Variants in ATP6V0A2 observed in about 807,000 individuals in gnomAD.
ATP6V0A2 encodes the protein V-type proton ATPase 116 kDa subunit a 2.
In ATP6V0A2, 58 loss-of-function variants were observed where a neutral mutation model predicts 104.4. The observed-to-expected ratio is 0.56, with a 90% CI of 0.45 to 0.69. The LOEUF is 0.69. Ranked by LOEUF, ATP6V0A2 falls within the 30% of genes least tolerant of loss-of-function variation. The pLI is 0.00. For missense variants in ATP6V0A2, 938 were observed against 1,062.9 expected (o/e 0.88, Z 1.63); for synonymous variants, 376 against 397.9 (o/e 0.95, Z 0.65).
At chr12:123,727,585 C>A (rs1241693553) in intron 5 of ATP6V0A2, among the ~76,000 whole-genome samples, 198 bp from the exon 6 acceptor site, 2 of 152,124 alleles carry the variant, frequency 1.3e-5, no homozygotes, top group African/African-American at 4.8e-5. Flanking sequence ...CCAAGAATTT[C>A]TCTTTATTAC....
At position 123,756,904 on chromosome 12, in the gene ATP6V0A2, G is replaced by A. The variant is rs778371523; in HGVS notation, c.2383G>A (p.Ala795Thr). ...YGVLLLLPVIALFAVLTIFIL... is the reference protein window; with the variant it reads ...YGVLLLLPVITLFAVLTIFIL... ...CGTCTTGCTACTGCTCCCGGTTATCGCGCTCTTTGCAGTTTTGACCATTTT... is the reference window on the plus strand; with the variant it reads ...CGTCTTGCTACTGCTCCCGGTTATCACGCTCTTTGCAGTTTTGACCATTTT... The change falls in exon 19 of 20, where the codon GCG becomes ACG. Residue 795 changes from alanine (A) to threonine (T), a missense_variant. Ala to Thr is a moderately conservative substitution (Grantham distance 58). Transcript: ENST00000330342. 7.4e-6 allele frequency: 12 copies of A among 1,614,018 alleles called. No homozygotes were observed. The highest frequency in any genetic ancestry group is 1.6e-4 in the Middle Eastern group (1 of 6,082).
chr12:123,743,844 C>A lies in ATP6V0A2; in HGVS notation c.1098C>A (p.Pro366=). ...FMNIIPTKET[P]PTRIRTNKFT... is the part of the protein sequence containing the mutation. ...ATATAATCCCCACAAAAGAAACACCCCCCACTCGGATCCGCACCAACAAAT... is the reference window on the plus strand; with the variant it reads ...ATATAATCCCCACAAAAGAAACACCACCCACTCGGATCCGCACCAACAAAT... The change falls in exon 10 of 20, where the codon CCC becomes CCA. Residue 366 remains proline (P), a synonymous_variant. Coordinates refer to ENST00000330342, the MANE Select transcript of ATP6V0A2 (RefSeq NM_012463.4). 2 of 1,614,076 alleles carry A rather than the reference C, an allele frequency of 1.2e-6. No homozygotes were observed. The highest frequency in any genetic ancestry group is 1.7e-6 in the Non-Finnish European group (2 of 1,179,980).
intron 18 of ATP6V0A2, 70 bp from the exon 19 acceptor site, chr12:123,756,742 AGTC>A: frequency 6.5e-7 from 1 of 1,537,750 alleles, no homozygotes; most frequent in South Asian, 1.1e-5. Context: ...GGGGAAACTC[AGTC>A]CAGGTAGCTC....
intron 17 of ATP6V0A2, 112 bp downstream of exon 17, chr12:123,752,514 AC>A: frequency 1.5e-6 from 2 of 1,317,006 alleles, no homozygotes; most frequent in Non-Finnish European, 2.1e-6. Flanking sequence ...AGAAAATGGG[AC>A]TTCCAGCCTC....
intron 16 of ATP6V0A2, 28 bp downstream of exon 16, chr12:123,751,257 A>G: frequency 6.2e-7 from 1 of 1,614,120 alleles, no homozygotes; most frequent in South Asian, 1.1e-5. Context: ...TGCATTTACA[A>G]CTGTGAGCAA....
At chr12:123,746,381 TTGAC>T (rs1956662382) in intron 13 of ATP6V0A2, among the ~76,000 whole-genome samples, 1 of 151,388 alleles carries the variant, frequency 6.6e-6, no homozygotes, top group Admixed American at 6.6e-5. Flanking sequence ...ATCAGCGAAG[TTGAC>T]TGGCCTCCAA....
At position 123,712,513 on chromosome 12, in the gene ATP6V0A2, GGCT is replaced by G. The variant is rs1956302071; in HGVS notation, c.-52_-50del. 1 of 1,377,372 alleles carries G rather than the reference GGCT, an allele frequency of 7.3e-7. No individual in the cohort carries two copies. The highest frequency in any genetic ancestry group is 9.8e-7 in the Non-Finnish European group (1 of 1,017,278). 85.3% of individuals were successfully genotyped at this position (1,377,372 alleles called of 1,614,324 possible). A position where few individuals can be genotyped will look rare whatever the true frequency, so the allele number is the denominator to read the frequency against. On this transcript the variant is annotated 5_prime_UTR_variant, in exon 1 of 20. Transcript: ENST00000330342. ...ACCGGCTGAGTGTGCGGGCCCGCGC[GGCT>G]CGGAGCCGCCGCCGCCCATCGAGCC...
chr12:123,746,276 A>G (rs1956661256), intron 13 of ATP6V0A2, among the ~76,000 whole-genome samples: 1 of 152,088 alleles, frequency 6.6e-6, no homozygotes, highest in African/African-American at 2.4e-5. Context: ...TAGGCATTAC[A>G]TTAATTTGGT....
intron 9 of ATP6V0A2, among the ~76,000 whole-genome samples, chr12:123,743,350 G>T (rs949326178): frequency 6.6e-6 from 1 of 152,178 alleles, no homozygotes; most frequent in Non-Finnish European, 1.5e-5. Context: ...CACACACACA[G>T]CGTTGCCAAA....
At position 123,748,732 on chromosome 12, in the gene ATP6V0A2, A is replaced by G; in HGVS notation, c.1882A>G (p.Ile628Val). ...TGCTCCCAGCATTCTGATTGAATTTATTAACATGTTTTTATTCCCAGCCAG... is the reference window on the plus strand; with the variant it reads ...TGCTCCCAGCATTCTGATTGAATTTGTTAACATGTTTTTATTCCCAGCCAG... ...RVAPSILIEF[I>V]NMFLFPASKT... is the part of the protein sequence containing the mutation. Residue 628 changes from isoleucine to valine, a missense_variant, in exon 15 of 20, where the codon ATT becomes GTT. Ile to Val is a conservative substitution (Grantham distance 29, BLOSUM62 3). Transcript: ENST00000330342. 2 of 1,614,166 alleles carry G rather than the reference A, an allele frequency of 1.2e-6. No homozygotes were observed. Among genetic ancestry groups the G allele is most frequent in the Non-Finnish European group, 1.7e-6 (2 of 1,180,026 alleles).
chr12:123,754,860 A>G lies in ATP6V0A2; in HGVS notation c.2293+323A>G. On this transcript the variant is annotated intron_variant, in intron 18 of 19. Transcript: ENST00000330342. Reference sequence around the variant, plus strand: ...GGAGCCTCTGGTGTAAGCACTTGCTACTGTTGCCATTACTGTTTCTGTTAG... The same window carrying G: ...GGAGCCTCTGGTGTAAGCACTTGCTGCTGTTGCCATTACTGTTTCTGTTAG... 7 of 384,044 alleles carry G rather than the reference A, an allele frequency of 1.8e-5. No homozygotes were observed. In the South Asian group the frequency reaches 2.3e-4, roughly 13 times the overall value. 23.8% of individuals were successfully genotyped at this position (384,044 alleles called of 1,614,324 possible). A position where few individuals can be genotyped will look rare whatever the true frequency, so the allele number is the denominator to read the frequency against.
chr12:123,751,287 A>G (rs1956711836), intron 16 of ATP6V0A2, 58 bp downstream of exon 16: 4 of 1,613,332 alleles, frequency 2.5e-6, no homozygotes, highest in Non-Finnish European at 3.4e-6. Context: ...TCGGTTATAC[A>G]AGGATTGGTG....
intron 13 of ATP6V0A2, among the ~76,000 whole-genome samples, chr12:123,745,811 T>G (rs1368342889): frequency 1.3e-5 from 2 of 150,780 alleles, no homozygotes; most frequent in African/African-American, 4.9e-5. Context: ...GACTGCAGGG[T>G]TGGGTGGGGT....
chr12:123,737,055 C>G lies in ATP6V0A2; in HGVS notation c.826-4C>G. The stretch of plus-strand genomic sequence containing the variant: ...CACTGAAAGCCCCTGTTGTTCTTCC[C>G]CAGGTACTGCACAAAACCGAGGACT... On this transcript the variant is annotated splice_region_variant and splice_polypyrimidine_tract_variant and intron_variant, in intron 8 of 19. Transcript: ENST00000330342. 6.2e-7 allele frequency: 1 copy of G among 1,614,152 alleles called. No homozygotes were observed. Among genetic ancestry groups the G allele is most frequent in the Non-Finnish European group, 8.5e-7 (1 of 1,179,992 alleles).
rs1956798384 is a variant in ATP6V0A2, at chr12:123,760,271, T to C, written c.*2239T>C. ...AGCAGAGGATGCAGTCATTTCTCTG[T>C]TGAAATCTATGTAGTATTTATGTAG... On this transcript the variant is annotated 3_prime_UTR_variant, in exon 20 of 20. Transcript: ENST00000330342. The C allele has an allele frequency of 6.6e-6, 1 of 152,234 alleles. No homozygotes were observed. Among genetic ancestry groups the C allele is most frequent in the Non-Finnish European group, 1.5e-5 (1 of 68,038 alleles). 9.4% of individuals were successfully genotyped at this position (152,234 alleles called of 1,614,324 possible). A position where few individuals can be genotyped will look rare whatever the true frequency, so the allele number is the denominator to read the frequency against.
At chr12:123,722,804 G>A (rs1241622005) in intron 3 of ATP6V0A2, among the ~76,000 whole-genome samples, 20 of 152,196 alleles carry the variant, frequency 1.3e-4, no homozygotes, top group African/African-American at 4.6e-4. Context: ...CCATGCCTTA[G>A]CTGCCTCTTC....
Position 123,712,571 on chromosome 12 carries a change from G to T in ATP6V0A2, c.6G>T (p.Gly2=). The part of the protein sequence containing the change: M[G]SLFRSETMCL... ...CGGGCGCGGGTCGGCCCGCCATGGG[G>T]TCCCTGTTCCGGAGCGAGACCATGT... is the stretch of plus-strand genomic sequence containing the variant. The change falls in exon 1 of 20, where the codon GGG becomes GGT. Residue 2 remains glycine, a synonymous_variant. Coordinates refer to ENST00000330342, the MANE Select transcript of ATP6V0A2 (RefSeq NM_012463.4). 1 of 1,591,140 alleles carries T rather than the reference G, an allele frequency of 6.3e-7. No homozygotes were observed. Among genetic ancestry groups the T allele is most frequent in the Admixed American group, 1.7e-5 (1 of 57,734 alleles).
chr12:123,742,806 A>C (rs1366881507), intron 9 of ATP6V0A2, among the ~76,000 whole-genome samples: 1 of 152,044 alleles, frequency 6.6e-6, no homozygotes, highest in African/African-American at 2.4e-5. Context: ...ACTGCACTCC[A>C]GCCTGGGTGA....
chr12:123,724,494 A>G, intron 3 of ATP6V0A2, 160 bp from the exon 4 acceptor site: 1 of 625,286 alleles, frequency 1.6e-6, no homozygotes, highest in Non-Finnish European at 2.7e-6. Context: ...ATGCCACTGC[A>G]CTCCAGCCTG....
Sources: gnomAD v4.1 joint callset for allele counts (sites outside exome capture counted in the v4.1 genomes callset) on GRCh38, gnomAD v4.1.1 for gene constraint, MANE v1.5 for transcripts, NCBI Gene and HGNC (gene_info 2026-07-23, HGNC 2026-07-21) for gene names.